UPP2: variants seen among roughly 807,000 people sequenced by gnomAD.
UPP2 encodes uridine phosphorylase 2.
Under a neutral mutation model 26.7 loss-of-function variants are expected in UPP2, and 23 were observed. The observed-to-expected ratio is 0.86, with a 90% CI of 0.62 to 1.22. The LOEUF is 1.22. Ranked by LOEUF, UPP2 falls within the 50% of genes most tolerant of loss-of-function variation. The pLI is 0.00. For missense variants in UPP2, 387 were observed against 396.7 expected (o/e 0.98, Z 0.21); for synonymous variants, 127 against 141.3 (o/e 0.90, Z 0.72).
intron 3 of UPP2, among the ~76,000 whole-genome samples, chr2:158,052,530 C>G (rs2105172416): frequency 6.6e-6 from 1 of 152,228 alleles, no homozygotes; most frequent in South Asian, 2.1e-4. Flanking sequence ...CCAACAGTAG[C>G]CATTCATTAT....
intron 3 of UPP2, among the ~76,000 whole-genome samples, chr2:158,094,833 C>T (rs1682961861): frequency 6.6e-6 from 1 of 152,152 alleles, no homozygotes; most frequent in African/African-American, 2.4e-5. Context: ...AGGAAAATCA[C>T]CCCCTCTCCC....
In UPP2 at chr2:158,102,033, A is replaced by T. The variant is rs368518713; in HGVS notation, c.-31A>T. On this transcript the variant is annotated 5_prime_UTR_variant, in exon 1 of 7. Transcript: ENST00000005756. The stretch of plus-strand genomic sequence containing the variant: ...ACAATATCTCTCTTTCTTGACATCA[A>T]TTTAAGGTGACTTTTCACATAGTAG... 2.5e-6 allele frequency: 4 copies of T among 1,608,008 alleles called. No individual in the cohort carries two copies. The highest frequency in any genetic ancestry group is 1.7e-4 in the Middle Eastern group (1 of 6,032).
At chr2:158,010,998 C>T (rs1683567901) in intron 2 of UPP2, among the ~76,000 whole-genome samples, 1 of 152,108 alleles carries the variant, frequency 6.6e-6, no homozygotes, top group South Asian at 2.1e-4. Context: ...ACTCCTGACT[C>T]AAATGATCCA....
At chr2:158,011,768 T>C (rs1683583429) in intron 2 of UPP2, among the ~76,000 whole-genome samples, 1 of 152,224 alleles carries the variant, frequency 6.6e-6, no homozygotes. Context: ...TTTCCTCTCC[T>C]GTCTATGCCT....
At chr2:158,082,243 C>G (rs1558924716) in intron 3 of UPP2, among the ~76,000 whole-genome samples, 1 of 152,142 alleles carries the variant, frequency 6.6e-6, no homozygotes, top group Non-Finnish European at 1.5e-5. Context: ...AGCCATTATA[C>G]CTGGTCTGGT....
chr2:158,088,556 T>C (rs951520213), intron 3 of UPP2, among the ~76,000 whole-genome samples: 3 of 152,182 alleles, frequency 2.0e-5, no homozygotes, highest in Non-Finnish European at 4.4e-5. Flanking sequence ...TTAAAGAACC[T>C]TGTTTGTCAT....
Position 158,117,949 on chromosome 2 carries a change from T to A in UPP2, c.454+11T>A, listed in dbSNP as rs772809959. 6.3e-7 allele frequency: 1 copy of A among 1,586,610 alleles called. No homozygotes were observed. The highest frequency in any genetic ancestry group is 1.3e-5 in the African/African-American group (1 of 74,432). On this transcript the variant is annotated intron_variant, in intron 4 of 6. Transcript: ENST00000005756. ...CATCAGGGGGAATAGGTGAGACGGA[T>A]TGATGTCTACTATTAGAACTGAGTG...
chr2:158,095,808 TA>T (rs1478610661), intron 3 of UPP2, among the ~76,000 whole-genome samples: 2 of 152,170 alleles, frequency 1.3e-5, no homozygotes, highest in African/African-American at 4.8e-5. Context: ...TATTTTTCCT[TA>T]TCCTTCAGAT....
At chr2:158,069,426 G>C (rs897393983) in intron 3 of UPP2, among the ~76,000 whole-genome samples, 7 of 152,208 alleles carry the variant, frequency 4.6e-5, no homozygotes, top group Non-Finnish European at 1.0e-4. Context: ...CTCCTGCAGT[G>C]TGGGCAGCTT....
chr2:158,110,675 T>C (rs1574297947), intron 2 of UPP2, among the ~76,000 whole-genome samples: 1 of 152,200 alleles, frequency 6.6e-6, no homozygotes, highest in South Asian at 2.1e-4. Context: ...CTCCAGCATC[T>C]GTTGTTTCCT....
intron 6 of UPP2, among the ~76,000 whole-genome samples, chr2:158,126,181 C>A (rs1336737139): frequency 6.6e-6 from 1 of 152,172 alleles, no homozygotes; most frequent in East Asian, 1.9e-4. Flanking sequence ...TGCTGCAAAT[C>A]TTTGTAACCT....
chr2:158,016,037 C>G (rs1643253659), intron 3 of UPP2, among the ~76,000 whole-genome samples: 1 of 151,882 alleles, frequency 6.6e-6, no homozygotes, highest in Non-Finnish European at 1.5e-5. Flanking sequence ...AACCACCACA[C>G]TATTTTCCAT....
chr2:158,077,900 C>A (rs1682655696), intron 3 of UPP2, among the ~76,000 whole-genome samples: 1 of 151,778 alleles, frequency 6.6e-6, no homozygotes, highest in African/African-American at 2.4e-5. Flanking sequence ...GGATTAATAA[C>A]CAGAATGCAT....
chr2:158,069,281 C>T (rs1245161460), intron 3 of UPP2, among the ~76,000 whole-genome samples: 1 of 152,112 alleles, frequency 6.6e-6, no homozygotes, highest in African/African-American at 2.4e-5. Flanking sequence ...TTGCTTGCTC[C>T]ATGAAATGAA....
chr2:158,130,672 C>T (rs1683800387), intron 6 of UPP2, among the ~76,000 whole-genome samples: 1 of 152,134 alleles, frequency 6.6e-6, no homozygotes, highest in South Asian at 2.1e-4. Flanking sequence ...ATTGTTTGGG[C>T]ACCCAAAGAA....
intron 3 of UPP2, among the ~76,000 whole-genome samples, chr2:158,069,543 A>G (rs957515022): frequency 6.6e-6 from 1 of 152,198 alleles, no homozygotes; most frequent in Non-Finnish European, 1.5e-5. Flanking sequence ...CAGCTTATTT[A>G]GTGCCTGGCT....
At chr2:158,035,446 G>C (rs1179925489) in intron 3 of UPP2, among the ~76,000 whole-genome samples, 1 of 152,120 alleles carries the variant, frequency 6.6e-6, no homozygotes, top group Non-Finnish European at 1.5e-5. Context: ...GAGCCACCGC[G>C]CCCGGCCAAG....
At chr2:158,098,347 C>G (rs376541633), upstream of UPP2, among the ~76,000 whole-genome samples, 1 of 152,084 alleles carries the variant, frequency 6.6e-6, no homozygotes, top group Non-Finnish European at 1.5e-5. Flanking sequence ...CTGCATCCTT[C>G]GAGGCAGCCT....
Position 158,089,589 on chromosome 2 carries a change from A to G in UPP2, c.148-12451A>G, listed in dbSNP as rs555084604. On this transcript the variant is annotated intron_variant, in intron 3 of 9. Coordinates refer to the UPP2 transcript ENST00000605860. ...GTTTCCTTCTCTCTGGTCATTTCCC[A>G]GTTCCTCTGGCAGCCCTCCCAAAGG... is the stretch of plus-strand genomic sequence containing the variant. Among the ~76,000 whole-genome samples the G allele has an allele frequency of 2.6e-5, 4 of 152,320 alleles. No homozygotes were observed. The South Asian group carries it at 8.3e-4, about 32-fold the overall frequency.
Sources: gnomAD v4.1 joint callset for allele counts (sites outside exome capture counted in the v4.1 genomes callset) on GRCh38, gnomAD v4.1.1 for gene constraint, MANE v1.5 for transcripts, NCBI Gene and HGNC (gene_info 2026-07-23, HGNC 2026-07-21) for gene names.